FGF12: variants seen among roughly 807,000 people sequenced by gnomAD.
The protein encoded by FGF12 is fibroblast growth factor 12.
In FGF12, 14 loss-of-function variants were observed where a neutral mutation model predicts 23.6. The observed-to-expected ratio is 0.59, with a 90% CI of 0.39 to 0.93. FGF12 has a LOEUF of 0.93. Among genes scored for constraint, FGF12 ranks in the 40% least tolerant of loss-of-function variants. The probability of loss-of-function intolerance (pLI) is 0.00; values close to 1 mark genes in which losing one functional copy is unlikely to be tolerated. For missense variants in FGF12, 175 were observed against 217.8 expected (o/e 0.80, Z 1.24); for synonymous variants, 62 against 77.3 (o/e 0.80, Z 1.04).
At chr3:192,703,555 A>C (rs1718371806) in intron 2 of FGF12, among the ~76,000 whole-genome samples, 1 of 152,206 alleles carries the variant, frequency 6.6e-6, no homozygotes, top group Non-Finnish European at 1.5e-5. Context: ...TCCCTTTCAC[A>C]AAAGTTTTTT....
chr3:192,433,016 A>C (rs1361969331), intron 2 of FGF12, among the ~76,000 whole-genome samples: 1 of 152,188 alleles, frequency 6.6e-6, no homozygotes, highest in Non-Finnish European at 1.5e-5. Context: ...GGTACCCTTC[A>C]GATCGTCAAA....
rs1577184461 is a variant in FGF12, at chr3:192,158,343, T to TTTC, written c.427+12112_427+12114dup. On this transcript the variant is annotated intron_variant, in intron 5 of 5. Coordinates refer to ENST00000445105, the MANE Select transcript of FGF12 (RefSeq NM_004113.6). ...TTCTTTCTTTCTTTCTCTTTCTTTCTTTCTTTCTTTCTTTCTTTCTTTCTT... is the reference window on the plus strand; with the variant it reads ...TTCTTTCTTTCTTTCTCTTTCTTTCTTTCTTCTTTCTTTCTTTCTTTCTTTCTT... 9.8e-3 allele frequency among the ~76,000 whole-genome samples: 795 copies of TTTC among 81,462 alleles called. 24 individuals are homozygous for TTTC. The highest frequency in any genetic ancestry group is 0.02 in the South Asian group (57 of 2,862). The allele number at this position is 81,462 out of a possible 152,430, so 53.4% of individuals were successfully genotyped here. A position where few individuals can be genotyped will look rare whatever the true frequency, so the allele number is the denominator to read the frequency against.
At chr3:192,535,094 C>A (rs1725193525) in intron 2 of FGF12, among the ~76,000 whole-genome samples, 1 of 152,040 alleles carries the variant, frequency 6.6e-6, no homozygotes, top group Non-Finnish European at 1.5e-5. Flanking sequence ...GAAAAAAATT[C>A]TTCCTGAAAT....
At chr3:192,330,393 G>A (rs540359991) in intron 4 of FGF12, among the ~76,000 whole-genome samples, 5 of 152,146 alleles carry the variant, frequency 3.3e-5, no homozygotes, top group Non-Finnish European at 7.4e-5. Flanking sequence ...AACACCAATG[G>A]AACACAATAG....
At chr3:192,257,170 A>AT (rs1712450295) in intron 4 of FGF12, among the ~76,000 whole-genome samples, 1 of 152,118 alleles carries the variant, frequency 6.6e-6, no homozygotes, top group Non-Finnish European at 1.5e-5. Context: ...ATTTTCCCAC[A>AT]TTTTATCAGA....
At chr3:192,504,909 T>G (rs532788707) in intron 2 of FGF12, among the ~76,000 whole-genome samples, 2 of 152,276 alleles carry the variant, frequency 1.3e-5, no homozygotes, top group African/African-American at 4.8e-5. Context: ...AGCCATCTGT[T>G]TGACAAGTTT....
rs1302860163 is a variant in FGF12 at position 192,712,280 on chromosome 3, C to CA, written c.13+14900dup. Reference sequence around the variant, plus strand: ...GAATACCAGAACAAAACAACAATAACAAAAAAAAGAGAGTAGGAGATCATT... The same window carrying CA: ...GAATACCAGAACAAAACAACAATAACAAAAAAAAAGAGAGTAGGAGATCATT... On this transcript the variant is annotated intron_variant, in intron 2 of 5. Transcript: ENST00000445105. 1.1e-4 allele frequency among the ~76,000 whole-genome samples: 17 copies of CA among 148,802 alleles called. No homozygotes were observed. In the East Asian group the frequency reaches 2.0e-3, roughly 17 times the overall value.
chr3:192,489,570 C>T (rs1318535037), intron 2 of FGF12, among the ~76,000 whole-genome samples: 4 of 151,976 alleles, frequency 2.6e-5, no homozygotes, highest in East Asian at 1.9e-4. Flanking sequence ...CACCTACTTT[C>T]GGTAATTAGA....
rs9834922 is a variant in FGF12, at chr3:192,300,795, G to C, written c.228+34566C>G. Among the ~76,000 whole-genome samples, 76 of 151,942 alleles carry C rather than the reference G, an allele frequency of 5.0e-4. 1 individual carries two copies. Among genetic ancestry groups the C allele is most frequent in the African/African-American group, 1.8e-3 (75 of 41,408 alleles). On this transcript the variant is annotated intron_variant, in intron 4 of 5. Coordinates refer to ENST00000445105, the MANE Select transcript of FGF12 (RefSeq NM_004113.6). The stretch of plus-strand genomic sequence containing the variant: ...CACTTGGGAGGCCAAGGGGGGCTGA[G>C]CACTTGCAACTAGGAGTTTGAGACC...
intron 4 of FGF12, among the ~76,000 whole-genome samples, chr3:192,291,043 C>T (rs1714731473): frequency 6.6e-6 from 1 of 152,076 alleles, no homozygotes; most frequent in South Asian, 2.1e-4. Flanking sequence ...ATGTCACTAT[C>T]CCTTGTTTAT....
At chr3:192,177,498 T>C (rs913673218) in intron 4 of FGF12, among the ~76,000 whole-genome samples, 12 of 152,176 alleles carry the variant, frequency 7.9e-5, no homozygotes, top group African/African-American at 2.7e-4. Context: ...CCAACTCAAG[T>C]AGGAATACAG....
At chr3:192,319,608 A>C (rs1268445858) in intron 4 of FGF12, among the ~76,000 whole-genome samples, 1 of 152,096 alleles carries the variant, frequency 6.6e-6, no homozygotes, top group Non-Finnish European at 1.5e-5. Flanking sequence ...TAAATAAATA[A>C]ATAAATAAAT....
At chr3:192,442,280 G>A (rs1450907328) in intron 2 of FGF12, among the ~76,000 whole-genome samples, 1 of 152,186 alleles carries the variant, frequency 6.6e-6, no homozygotes, top group Non-Finnish European at 1.5e-5. Context: ...ACACTGCATT[G>A]CGCACTGACT....
intron 2 of FGF12, among the ~76,000 whole-genome samples, chr3:192,498,779 G>A (rs1350277354): frequency 6.6e-6 from 1 of 152,194 alleles, no homozygotes; most frequent in Non-Finnish European, 1.5e-5. Flanking sequence ...CTAGTTACTG[G>A]TAACTGGTGA....
intron 4 of FGF12, among the ~76,000 whole-genome samples, chr3:192,281,985 C>T (rs1472752021): frequency 1.3e-5 from 2 of 152,178 alleles, no homozygotes; most frequent in Non-Finnish European, 2.9e-5. Context: ...TTAACCTACA[C>T]TCATCTGACT....
chr3:192,219,522 G>T (rs1171034328), intron 4 of FGF12, among the ~76,000 whole-genome samples: 5 of 152,300 alleles, frequency 3.3e-5, no homozygotes, highest in African/African-American at 1.2e-4. Context: ...CCCAGGTATT[G>T]GTATGCTTCC....
intron 4 of FGF12, among the ~76,000 whole-genome samples, chr3:192,206,485 A>G (rs1239748206): frequency 1.3e-5 from 2 of 152,256 alleles, no homozygotes; most frequent in Non-Finnish European, 2.9e-5. Flanking sequence ...AAAGCGTAAT[A>G]GGTTCATATT....
At chr3:192,627,412 T>C (rs906207591) in intron 2 of FGF12, among the ~76,000 whole-genome samples, 3 of 152,094 alleles carry the variant, frequency 2.0e-5, no homozygotes, top group Admixed American at 6.6e-5. Context: ...TAAACACTTA[T>C]ATGTAAATTT....
chr3:192,639,516 G>A (rs544820022), intron 2 of FGF12, among the ~76,000 whole-genome samples: 80 of 152,248 alleles, frequency 5.3e-4, no homozygotes, highest in East Asian at 7.7e-4. Context: ...TCATTGTAAC[G>A]TTATTCACAA....
Sources: gnomAD v4.1 joint callset for allele counts (sites outside exome capture counted in the v4.1 genomes callset) on GRCh38, gnomAD v4.1.1 for gene constraint, MANE v1.5 for transcripts, NCBI Gene and HGNC (gene_info 2026-07-23, HGNC 2026-07-21) for gene names.